Variants in CTNNA2 observed in about 807,000 individuals in gnomAD.
The protein encoded by CTNNA2 is catenin alpha 2.
In CTNNA2, 42 loss-of-function variants were observed where a neutral mutation model predicts 101.0. That is an observed-to-expected ratio of 0.42 (90% CI 0.32 to 0.54). The LOEUF (loss-of-function observed/expected upper bound fraction) is 0.54, where lower values mean the gene tolerates loss of function less well. Ranked by LOEUF, CTNNA2 falls within the 20% of genes least tolerant of loss-of-function variation. The pLI is 0.14. For synonymous variants in CTNNA2, 450 were observed against 456.4 expected (o/e 0.99, Z 0.18); for missense variants, 871 against 1,223.1 (o/e 0.71, Z 4.29).
intron 3 of CTNNA2, among the ~76,000 whole-genome samples, chr2:79,338,578 A>T (rs6734961): frequency 0.73 from 85,748 of 117,476 alleles, 30,787 homozygotes; most frequent in South Asian, 0.78. Flanking sequence ...CCTCCTCATC[A>T]TCTTCTTCTT....
rs140049777 is a variant in CTNNA2, at chr2:80,119,878, T to C, written c.1056+210081T>C. Among the ~76,000 whole-genome samples the C allele has an allele frequency of 2.6e-4, 40 of 152,296 alleles. 1 individual carries two copies. The highest frequency in any genetic ancestry group is 8.9e-4 in the African/African-American group (37 of 41,560). Reference sequence around the variant, plus strand: ...GAATTTAAAGTGCAACAATTTATGCTAAACAAGGTTAAAATGTGGCAAAGA... The same window carrying C: ...GAATTTAAAGTGCAACAATTTATGCCAAACAAGGTTAAAATGTGGCAAAGA... On this transcript the variant is annotated intron_variant, in intron 7 of 18. Transcript: ENST00000402739.
intron 9 of CTNNA2, among the ~76,000 whole-genome samples, chr2:80,469,793 G>A (rs1339805627): frequency 6.6e-6 from 1 of 152,146 alleles, no homozygotes; most frequent in African/African-American, 2.4e-5. Flanking sequence ...AGGGGCTTAT[G>A]ACATTGGTTG....
chr2:80,432,150 C>A (rs1047358054), intron 9 of CTNNA2, among the ~76,000 whole-genome samples: 1 of 151,904 alleles, frequency 6.6e-6, no homozygotes, highest in African/African-American at 2.4e-5. Context: ...TTTTTGCTTA[C>A]AGTACACCAG....
chr2:80,572,407 T>C (rs1184430110), intron 12 of CTNNA2, among the ~76,000 whole-genome samples: 1 of 152,180 alleles, frequency 6.6e-6, no homozygotes, highest in Non-Finnish European at 1.5e-5. Flanking sequence ...TTATCAGTTA[T>C]ATCCATAGGG....
intron 7 of CTNNA2, among the ~76,000 whole-genome samples, chr2:80,347,500 T>C (rs1672849542): frequency 6.6e-6 from 1 of 152,204 alleles, no homozygotes; most frequent in South Asian, 2.1e-4. Flanking sequence ...CGATCCAACC[T>C]AATTCATTTA....
At chr2:79,278,985 G>A (rs1483512670) in intron 2 of CTNNA2, among the ~76,000 whole-genome samples, 1 of 152,122 alleles carries the variant, frequency 6.6e-6, no homozygotes, top group Non-Finnish European at 1.5e-5. Context: ...CCTGAGGTGA[G>A]ACAATATGGC....
intron 7 of CTNNA2, among the ~76,000 whole-genome samples, chr2:79,964,807 A>G (rs778129958): frequency 2.6e-5 from 4 of 151,932 alleles, no homozygotes; most frequent in Non-Finnish European, 4.4e-5. Context: ...ATTTTACCTG[A>G]TTCTTTTCAG....
At chr2:80,110,656 C>A (rs1701161278) in intron 7 of CTNNA2, among the ~76,000 whole-genome samples, 1 of 152,200 alleles carries the variant, frequency 6.6e-6, no homozygotes, top group Admixed American at 6.5e-5. Flanking sequence ...CCATGTGGAC[C>A]CATAGCTACT....
chr2:80,610,108 G>T (rs1270725334), intron 17 of CTNNA2, among the ~76,000 whole-genome samples: 5 of 151,628 alleles, frequency 3.3e-5, no homozygotes, highest in Non-Finnish European at 5.9e-5. Flanking sequence ...TTATTCTGAG[G>T]CAAATGCATT....
chr2:79,774,282 C>A (rs1673803003), intron 3 of CTNNA2, among the ~76,000 whole-genome samples: 1 of 152,192 alleles, frequency 6.6e-6, no homozygotes, highest in Non-Finnish European at 1.5e-5. Context: ...CCCCTGCTGA[C>A]AGCAGTGCTA....
At chr2:80,386,021 C>G (rs1316840152) in intron 7 of CTNNA2, among the ~76,000 whole-genome samples, 1 of 152,166 alleles carries the variant, frequency 6.6e-6, no homozygotes, top group Non-Finnish European at 1.5e-5. Flanking sequence ...AGGTGTTGAT[C>G]TCTCTGAGCC....
intron 2 of CTNNA2, among the ~76,000 whole-genome samples, chr2:79,668,917 G>A (rs1682634893): frequency 6.6e-6 from 1 of 152,122 alleles, no homozygotes; most frequent in Non-Finnish European, 1.5e-5. Flanking sequence ...CTAATCATAA[G>A]GAATAAATAA....
chr2:79,280,638 T>TGC lies in CTNNA2; in HGVS notation c.-405-32070_-405-32069insCG, dbSNP rs1675340942. The stretch of plus-strand genomic sequence containing the variant: ...ATCCTGTATGCTGTGTGTGTGTGTG[T>TGC]GTGTGTGTGTGTGTGTGTAAGAGAA... On this transcript the variant is annotated intron_variant, in intron 2 of 21. Transcript: ENST00000466387. 2.8e-5 allele frequency among the ~76,000 whole-genome samples: 4 copies of TGC among 141,126 alleles called. No individual in the cohort carries two copies. In the South Asian group the frequency reaches 9.3e-4, roughly 33 times the overall value. 92.6% of individuals were successfully genotyped at this position (141,126 alleles called of 152,430 possible).
chr2:80,072,620 G>T (rs1272677646), intron 7 of CTNNA2, among the ~76,000 whole-genome samples: 1 of 152,128 alleles, frequency 6.6e-6, no homozygotes, highest in East Asian at 1.9e-4. Flanking sequence ...TGGGGAGCTT[G>T]CCCTCCACCC....
chr2:79,720,223 G>T (rs72927405), intron 2 of CTNNA2, among the ~76,000 whole-genome samples: 12,421 of 151,990 alleles, frequency 0.082, 706 homozygotes, highest in African/African-American at 0.16. Context: ...TTTTATTTTG[G>T]AGTTTTCTAT....
intron 12 of CTNNA2, among the ~76,000 whole-genome samples, chr2:80,571,900 T>C (rs1251627058): frequency 6.6e-6 from 1 of 152,158 alleles, no homozygotes; most frequent in Non-Finnish European, 1.5e-5. Flanking sequence ...CTTAACTCTT[T>C]GAATATATAA....
chr2:80,244,019 A>G (rs1049265165), intron 7 of CTNNA2, among the ~76,000 whole-genome samples: 2 of 152,208 alleles, frequency 1.3e-5, no homozygotes, highest in Non-Finnish European at 2.9e-5. Context: ...CTGGCCACAC[A>G]TCAAAGAGTC....
rs1026244793 is a variant in CTNNA2, at chr2:80,050,701, A to G, written c.1056+140904A>G. ...CTGAAGAGAACATTGTTATTTGTTT[A>G]TTTATTTATTTATTTTTGAGGTGGG... On this transcript the variant is annotated intron_variant, in intron 7 of 18. Transcript: ENST00000402739. Among the ~76,000 whole-genome samples, 8 of 152,024 alleles carry G rather than the reference A, an allele frequency of 5.3e-5. 1 individual carries two copies. Among genetic ancestry groups the G allele is most frequent in the Non-Finnish European group, 1.2e-4 (8 of 68,002 alleles).
At chr2:79,854,333 G>T (rs745787895) in intron 3 of CTNNA2, among the ~76,000 whole-genome samples, 1 of 152,294 alleles carries the variant, frequency 6.6e-6, no homozygotes, top group South Asian at 2.1e-4. Flanking sequence ...ATGATCACCC[G>T]TTATGGGTAA....
Sources: gnomAD v4.1 joint callset for allele counts (sites outside exome capture counted in the v4.1 genomes callset) on GRCh38, gnomAD v4.1.1 for gene constraint, MANE v1.5 for transcripts, NCBI Gene and HGNC (gene_info 2026-07-23, HGNC 2026-07-21) for gene names.